Variants in RERG observed in about 807,000 individuals in gnomAD.
RERG encodes the protein ras-related and estrogen-regulated growth inhibitor.
A neutral mutation model predicts 23.2 loss-of-function variants in RERG; 25 were observed. The ratio of observed to expected loss-of-function variants is 1.08; its 90% confidence interval spans 0.79 to 1.50. The LOEUF is 1.50. Ranked by LOEUF, RERG falls within the 40% of genes most tolerant of loss-of-function variation. The pLI, the probability that RERG is intolerant of heterozygous loss-of-function variation, is 0.00. For missense variants in RERG, 253 were observed against 250.1 expected (o/e 1.01, Z -0.08); for synonymous variants, 81 against 89.1 (o/e 0.91, Z 0.51).
rs138428577 is a variant in RERG, at chr12:15,215,443, G to A, written c.61+1986C>T. On this transcript the variant is annotated intron_variant, in intron 2 of 4. Coordinates refer to ENST00000256953, the MANE Select transcript of RERG (RefSeq NM_032918.3). ...AGCCAAAGAGTGTGATGTCATGGGA[G>A]CCTGGGAAGGAAGGAATTTCAGGAA... Among the ~76,000 whole-genome samples the A allele has an allele frequency of 7.7e-3, 1,169 of 152,256 alleles. 15 individuals are homozygous for A. The highest frequency in any genetic ancestry group is 0.027 in the African/African-American group (1,109 of 41,538).
Position 15,148,866 on chromosome 12 carries a change from T to G in RERG, c.62-27747A>C, listed in dbSNP as rs1298582690. 1.9e-3 allele frequency among the ~76,000 whole-genome samples: 188 copies of G among 97,094 alleles called. 1 individual carries two copies. The highest frequency in any genetic ancestry group is 3.6e-3 in the South Asian group (9 of 2,534). The allele number at this position is 97,094 out of a possible 152,430, so 63.7% of individuals were successfully genotyped here. A position where few individuals can be genotyped will look rare whatever the true frequency, so the allele number is the denominator to read the frequency against. ...AACTCTGTTTTTTTTTTTTTTTTTT[T>G]TTTTTTTTTTTTTTTTTTTTTAGAC... On this transcript the variant is annotated intron_variant, in intron 2 of 4. Coordinates refer to ENST00000256953, the MANE Select transcript of RERG (RefSeq NM_032918.3).
chr12:15,177,158 T>G (rs1441701933), intron 2 of RERG, among the ~76,000 whole-genome samples: 1 of 152,194 alleles, frequency 6.6e-6, no homozygotes, highest in African/African-American at 2.4e-5. Flanking sequence ...TTCTTAAAAC[T>G]TGTACAATTC....
At chr12:15,163,417 A>G (rs112884150) in intron 2 of RERG, among the ~76,000 whole-genome samples, 225 of 152,304 alleles carry the variant, frequency 1.5e-3, no homozygotes, top group Non-Finnish European at 2.6e-3. Flanking sequence ...AAGATTCGAC[A>G]TGAATGTGAA....
chr12:15,134,641 G>A (rs1015419909), intron 2 of RERG, among the ~76,000 whole-genome samples: 1 of 152,094 alleles, frequency 6.6e-6, no homozygotes, highest in Admixed American at 6.6e-5. Context: ...TTTAGATGGA[G>A]TCTTGCTCTG....
chr12:15,118,061 A>G (rs1312475659), intron 3 of RERG, among the ~76,000 whole-genome samples: 1 of 152,182 alleles, frequency 6.6e-6, no homozygotes, highest in African/African-American at 2.4e-5. Context: ...TTTACATTGT[A>G]TCCTTCGAAA....
intron 2 of RERG, among the ~76,000 whole-genome samples, chr12:15,165,291 C>T (rs1380991316): frequency 1.3e-5 from 2 of 152,140 alleles, no homozygotes; most frequent in African/African-American, 4.8e-5. Flanking sequence ...GATTGGAACT[C>T]ATGTACCAAA....
intron 2 of RERG, among the ~76,000 whole-genome samples, chr12:15,170,470 A>T (rs905524367): frequency 1.3e-5 from 2 of 152,166 alleles, no homozygotes; most frequent in Non-Finnish European, 2.9e-5. Flanking sequence ...TTATTTTTTT[A>T]AAAGCACATT....
chr12:15,218,847 G>A (rs1865479091), intron 1 of RERG, among the ~76,000 whole-genome samples: 1 of 151,698 alleles, frequency 6.6e-6, no homozygotes, highest in African/African-American at 2.4e-5. Context: ...TTTTCATCAT[G>A]TGCATTGCCT....
chr12:15,109,271 A>G lies in RERG; in HGVS notation c.439T>C (p.Cys147Arg). 2 of 1,614,088 alleles carry G rather than the reference A, an allele frequency of 1.2e-6. No homozygotes were observed. Among genetic ancestry groups the G allele is most frequent in the South Asian group, 1.1e-5 (1 of 91,076 alleles). The change falls in exon 5 of 5, where the codon TGC becomes CGC. Residue 147 changes from cysteine to arginine, a missense_variant. Transcript: ENST00000256953. ...ATELACAFYE[C>R]SACTGEGNIT... ...TTCCCTTCTCCAGTGCAGGCAGAGCACTCGTAAAAAGCACAAGCCAATTCT... is the reference window on the plus strand; with the variant it reads ...TTCCCTTCTCCAGTGCAGGCAGAGCGCTCGTAAAAAGCACAAGCCAATTCT...
At position 15,108,753 on chromosome 12, in the gene RERG, G is replaced by C. The variant is rs1248210322; in HGVS notation, c.*357C>G. 1 of 175,376 alleles carries C rather than the reference G, an allele frequency of 5.7e-6. No individual in the cohort carries two copies. The highest frequency in any genetic ancestry group is 2.4e-5 in the African/African-American group (1 of 42,486). 10.9% of individuals were successfully genotyped at this position (175,376 alleles called of 1,614,324 possible). On this transcript the variant is annotated 3_prime_UTR_variant, in exon 5 of 5. Transcript: ENST00000256953. Reference sequence around the variant, plus strand: ...TAGACTTTTAAGAAAATTATTTGTAGTATCTGACAAGAAATTGAATTTTTA... The same window carrying C: ...TAGACTTTTAAGAAAATTATTTGTACTATCTGACAAGAAATTGAATTTTTA...
At chr12:15,215,447 GGGA>G (rs1865427737) in intron 2 of RERG, among the ~76,000 whole-genome samples, 3 of 152,112 alleles carry the variant, frequency 2.0e-5, no homozygotes, top group Non-Finnish European at 4.4e-5. Flanking sequence ...ATGGGAGCCT[GGGA>G]AGGAAGGAAT....
chr12:15,168,916 A>G (rs1864734277), intron 2 of RERG, among the ~76,000 whole-genome samples: 1 of 152,206 alleles, frequency 6.6e-6, no homozygotes, highest in South Asian at 2.1e-4. Context: ...TTCTTCTGGA[A>G]AACCAGATTT....
intron 3 of RERG, among the ~76,000 whole-genome samples, chr12:15,115,909 G>C (rs1312366480): frequency 2.0e-5 from 3 of 152,086 alleles, no homozygotes; most frequent in Admixed American, 6.5e-5. Flanking sequence ...ACGGCACATT[G>C]CTCAAGTATT....
rs543524813 is a variant in RERG at position 15,167,677 on chromosome 12, T to C, written c.62-46558A>G. ...GGAGATACTTTAAAAAAGATAGTAG[T>C]AGTGGGTGTTAACTTTAAAAATAGA... is the stretch of plus-strand genomic sequence containing the variant. On this transcript the variant is annotated intron_variant, in intron 2 of 4. Transcript: ENST00000256953. 7.2e-4 allele frequency among the ~76,000 whole-genome samples: 109 copies of C among 152,296 alleles called. 1 individual carries two copies. In the South Asian group the frequency reaches 0.022, roughly 31 times the overall value.
At chr12:15,203,143 C>T (rs143396991) in intron 2 of RERG, among the ~76,000 whole-genome samples, 2 of 151,714 alleles carry the variant, frequency 1.3e-5, no homozygotes, top group Admixed American at 1.3e-4. Context: ...ACACTATTCT[C>T]AGTTTTAAAT....
chr12:15,143,403 T>C (rs1299027707), intron 2 of RERG, among the ~76,000 whole-genome samples: 4 of 152,042 alleles, frequency 2.6e-5, no homozygotes, highest in Non-Finnish European at 5.9e-5. Flanking sequence ...AATGTATATA[T>C]TATATAAACA....
intron 2 of RERG, among the ~76,000 whole-genome samples, chr12:15,124,652 C>T (rs955781487): frequency 2.1e-4 from 32 of 152,114 alleles, no homozygotes; most frequent in African/African-American, 7.7e-4. Context: ...CCCAGGCATA[C>T]AGCTATTGCT....
chr12:15,144,166 T>C (rs537414707), intron 2 of RERG, among the ~76,000 whole-genome samples: 1 of 152,158 alleles, frequency 6.6e-6, no homozygotes, highest in Admixed American at 6.5e-5. Context: ...TTTCCTGAGA[T>C]AAAGAAAGAC....
At chr12:15,195,262 AGCCCAAGCT>A (rs1372529261) in intron 2 of RERG, among the ~76,000 whole-genome samples, 1 of 152,074 alleles carries the variant, frequency 6.6e-6, no homozygotes, top group African/African-American at 2.4e-5. Context: ...GACTGGGATG[AGCCCAAGCT>A]GTCACAAATG....
Sources: gnomAD v4.1 joint callset for allele counts (sites outside exome capture counted in the v4.1 genomes callset) on GRCh38, gnomAD v4.1.1 for gene constraint, MANE v1.5 for transcripts, NCBI Gene and HGNC (gene_info 2026-07-23, HGNC 2026-07-21) for gene names.